SUMF1: variants seen among roughly 807,000 people sequenced by gnomAD.
SUMF1 encodes the protein formylglycine-generating enzyme.
SUMF1 carries 48 observed loss-of-function variants against 47.6 expected under a neutral mutation model. The ratio of observed to expected loss-of-function variants is 1.01; its 90% CI spans 0.80 to 1.28. The LOEUF (loss-of-function observed/expected upper bound fraction) is 1.28, where lower values mean the gene tolerates loss of function less well. SUMF1 is among the 50% of genes most tolerant of loss of function. SUMF1 has a pLI of 0.00. For missense variants in SUMF1, 571 were observed against 485.4 expected (o/e 1.18, Z -1.66); for synonymous variants, 230 against 192.1 (o/e 1.20, Z -1.63).
intron 8 of SUMF1, among the ~76,000 whole-genome samples, chr3:4,273,125 C>CATTCTATATAT (rs1697336455): frequency 6.8e-6 from 1 of 147,210 alleles, no homozygotes; most frequent in Admixed American, 6.8e-5. Context: ...TATACACACA[C>CATTCTATATAT]ATATATATAT....
intron 8 of SUMF1, among the ~76,000 whole-genome samples, chr3:4,237,966 T>C (rs1198496700): frequency 6.6e-6 from 1 of 151,956 alleles, no homozygotes; most frequent in Non-Finnish European, 1.5e-5. Context: ...GTGTGTAATG[T>C]TCCCCTCCCT....
chr3:4,363,393 T>C (rs570623442), intron 8 of SUMF1, among the ~76,000 whole-genome samples: 37 of 152,252 alleles, frequency 2.4e-4, no homozygotes, highest in Non-Finnish European at 4.0e-4. Context: ...TCCTCTTTTA[T>C]TTCATTGAGC....
intron 8 of SUMF1, among the ~76,000 whole-genome samples, chr3:4,350,029 C>G (rs1391946589): frequency 4.1e-5 from 6 of 145,340 alleles, no homozygotes; most frequent in Admixed American, 1.4e-4. Context: ...GAGATGGAGT[C>G]TCGCTCTGTC....
chr3:4,333,778 A>C (rs939654970), intron 8 of SUMF1, among the ~76,000 whole-genome samples: 1 of 151,856 alleles, frequency 6.6e-6, no homozygotes, highest in Non-Finnish European at 1.5e-5. Context: ...ACAGGAGAAC[A>C]ATTTTTTTTT....
chr3:4,035,092 C>T (rs1694769901), intron 9 of SUMF1, among the ~76,000 whole-genome samples: 1 of 151,900 alleles, frequency 6.6e-6, no homozygotes, highest in South Asian at 2.1e-4. Flanking sequence ...GCACTGATGG[C>T]CATAATAAAG....
At chr3:4,075,176 G>A (rs1351000477) in intron 8 of SUMF1, among the ~76,000 whole-genome samples, 1 of 152,108 alleles carries the variant, frequency 6.6e-6, no homozygotes, top group East Asian at 1.9e-4. Context: ...TGGGATGCAA[G>A]GCTGGTTCAA....
At chr3:4,215,964 C>T (rs1032650716) in intron 8 of SUMF1, among the ~76,000 whole-genome samples, 3 of 152,104 alleles carry the variant, frequency 2.0e-5, no homozygotes, top group African/African-American at 7.2e-5. Context: ...GGTCATACTG[C>T]CCAAAGTAAT....
chr3:4,425,934 C>G (rs773037175), intron 3 of SUMF1, among the ~76,000 whole-genome samples: 1 of 152,150 alleles, frequency 6.6e-6, no homozygotes, highest in Non-Finnish European at 1.5e-5. Context: ...TTTTATAAAA[C>G]CATCACCATG....
At position 4,376,982 on chromosome 3, in the gene SUMF1, G is replaced by A. The variant is rs559246777; in HGVS notation, c.955-593C>T. Among the ~76,000 whole-genome samples the A allele has an allele frequency of 2.8e-3, 425 of 151,886 alleles. 2 individuals carry two copies. Among genetic ancestry groups the A allele is most frequent in the African/African-American group, 9.8e-3 (405 of 41,418 alleles). On this transcript the variant is annotated intron_variant, in intron 7 of 8. Transcript: ENST00000272902. ...AGCTAATTTTTAAAAATTATTATTTGTAGAGACAGGGTCTCGCTATATTGC... is the reference window on the plus strand; with the variant it reads ...AGCTAATTTTTAAAAATTATTATTTATAGAGACAGGGTCTCGCTATATTGC...
intron 8 of SUMF1, among the ~76,000 whole-genome samples, chr3:4,124,709 C>T (rs918302822): frequency 6.6e-6 from 1 of 151,858 alleles, no homozygotes; most frequent in African/African-American, 2.4e-5. Flanking sequence ...GCTTTCATGA[C>T]CAAGAAACAA....
chr3:4,418,692 C>T (rs944412071), intron 4 of SUMF1, among the ~76,000 whole-genome samples: 2 of 152,238 alleles, frequency 1.3e-5, no homozygotes, highest in African/African-American at 4.8e-5. Flanking sequence ...GTGTGGGGCC[C>T]TAACATTCTG....
chr3:4,227,504 G>A (rs749495251), intron 8 of SUMF1, among the ~76,000 whole-genome samples: 4 of 152,008 alleles, frequency 2.6e-5, no homozygotes, highest in Admixed American at 6.6e-5. Context: ...GTTCCTCCCC[G>A]CCGGACTTCC....
intron 9 of SUMF1, among the ~76,000 whole-genome samples, chr3:4,050,493 G>A (rs547803736): frequency 6.6e-6 from 1 of 151,950 alleles, no homozygotes; most frequent in South Asian, 2.1e-4. Context: ...TGTAATCCCA[G>A]CATTTTGGGA....
chr3:4,034,555 T>C (rs1694758370), intron 9 of SUMF1, among the ~76,000 whole-genome samples: 1 of 152,054 alleles, frequency 6.6e-6, no homozygotes. Context: ...AGCAAAGAAA[T>C]TGCAGAAGCC....
chr3:4,436,613 A>T (rs952892682), intron 3 of SUMF1, among the ~76,000 whole-genome samples: 1 of 149,838 alleles, frequency 6.7e-6, no homozygotes, highest in Non-Finnish European at 1.5e-5. Flanking sequence ...AAAAAAAAAA[A>T]CTTCCCAATG....
chr3:4,272,850 G>A (rs576768354), intron 8 of SUMF1, among the ~76,000 whole-genome samples: 9 of 152,134 alleles, frequency 5.9e-5, no homozygotes, highest in African/African-American at 2.2e-4. Context: ...AAAGTAGGAG[G>A]ATCACTTGAG....
At chr3:4,344,210 C>G (rs930331455) in intron 8 of SUMF1, among the ~76,000 whole-genome samples, 1 of 152,168 alleles carries the variant, frequency 6.6e-6, no homozygotes, top group South Asian at 2.1e-4. Context: ...TCGTGACCCA[C>G]GGAGAGAAGG....
intron 7 of SUMF1, among the ~76,000 whole-genome samples, chr3:4,403,249 G>A (rs1701271839): frequency 6.6e-6 from 1 of 152,208 alleles, no homozygotes; most frequent in African/African-American, 2.4e-5. Flanking sequence ...CACAGTTACA[G>A]TGACAAGATT....
In SUMF1 at chr3:4,260,292, A is replaced by G. The variant is rs895080843; in HGVS notation, c.1014+116038T>C. On this transcript the variant is annotated intron_variant and NMD_transcript_variant, in intron 8 of 12. Transcript: ENST00000448413. ...CTATAAAAGACAACCAACAGGTACT[A>G]GTAGTCAGTTCTGGCTAATTGATAC... Among the ~76,000 whole-genome samples, 5 of 49,828 alleles carry G rather than the reference A, an allele frequency of 1.0e-4. No homozygotes were observed. In the East Asian group the frequency reaches 1.0e-3, roughly 10 times the overall value. The allele number at this position is 49,828 out of a possible 152,430, so 32.7% of individuals were successfully genotyped here. A position where few individuals can be genotyped will look rare whatever the true frequency, so the allele number is the denominator to read the frequency against.
Sources: allele counts gnomAD v4.1 joint callset (sites outside exome capture counted in the v4.1 genomes callset), GRCh38; gene constraint gnomAD v4.1.1; transcripts MANE v1.5; gene names NCBI Gene and HGNC (gene_info 2026-07-23, HGNC 2026-07-21).